The following ZNF417 variants were observed in gnomAD, a reference collection of about 807,000 sequenced individuals.
ZNF417 encodes the protein zinc finger protein 417.
Under a neutral mutation model 7.4 loss-of-function variants are expected in ZNF417, and 5 were observed. The ratio of observed to expected loss-of-function variants is 0.68; its 90% CI spans 0.35 to 1.43. The LOEUF (loss-of-function observed/expected upper bound fraction) is 1.43, where lower values mean the gene tolerates loss of function less well. Among genes scored for constraint, ZNF417 ranks in the 40% most tolerant of loss-of-function variants. The pLI is 0.04. For missense variants in ZNF417, 437 were observed against 697.3 expected, an observed-to-expected ratio of 0.63 and a Z score of 4.20; for synonymous variants, 147 against 239.1, an observed-to-expected ratio of 0.61 and a Z score of 3.55.
intron 1 of ZNF417, among the ~76,000 whole-genome samples, chr19:57,912,973 A>G (rs1169700877): frequency 1.3e-5 from 2 of 151,876 alleles, no homozygotes; most frequent in African/African-American, 2.4e-5. Context: ...TCCCTTGGGA[A>G]TATGCAATGG....
At chr19:57,914,331 C>G (rs1401879222) in intron 1 of ZNF417, among the ~76,000 whole-genome samples, 2 of 151,672 alleles carry the variant, frequency 1.3e-5, no homozygotes, top group South Asian at 2.1e-4. Context: ...ACTAAAAATA[C>G]AAAAATTAGC....
chr19:57,910,107 C>T lies in ZNF417; in HGVS notation c.171G>A (p.Trp57Ter), dbSNP rs1418558166. 1 of 1,604,240 alleles carries T rather than the reference C, an allele frequency of 6.2e-7. No homozygotes were observed. The highest frequency in any genetic ancestry group is 1.7e-5 in the Admixed American group (1 of 59,036). Residue 57 changes from tryptophan (W) to a stop codon, truncating the protein, a stop_gained, in exon 3 of 3, where the codon TGG becomes TGA. Coordinates refer to ENST00000312026, the MANE Select transcript of ZNF417 (RefSeq NM_152475.3). LOFTEE classifies it low-confidence loss of function (END_TRUNC). ...NLALISSLGCWCGSKDEEAPC... is the reference protein window; with the variant it reads ...NLALISSLGC ...GTGCCTCCTCATCTTTTGATCCACA[C>T]CAACAACCTGAGAGCAAGAAAATGC... is the stretch of plus-strand genomic sequence containing the variant.
chr19:57,915,942 C>T (rs189943425), intron 1 of ZNF417, among the ~76,000 whole-genome samples: 1 of 152,304 alleles, frequency 6.6e-6, no homozygotes, highest in Admixed American at 6.5e-5. Context: ...TCAATCAGTT[C>T]TGCCATCCCA....
In ZNF417 at chr19:57,908,960, C is replaced by A. The variant is rs764451512; in HGVS notation, c.1318G>T (p.Glu440Ter). The A allele has an allele frequency of 9.9e-6, 16 of 1,613,906 alleles. No individual in the cohort carries two copies. In the Admixed American group the frequency reaches 2.7e-4, roughly 27 times the overall value. The change falls in exon 3 of 3, where the codon GAA becomes TAA. Residue 440 changes from glutamate to a stop codon, truncating the protein, a stop_gained. Coordinates refer to ENST00000312026, the MANE Select transcript of ZNF417 (RefSeq NM_152475.3). LOFTEE classifies it low-confidence loss of function (END_TRUNC). Reference protein sequence around the residue: ...HTGERPYNCRECGKLFNRKYH... With the variant: ...HTGERPYNCR ...TTCCTGTTAAATAATTTCCCACATTCCCTACAATTGTAAGGTCTTTCCCCA... is the reference window on the plus strand; with the variant it reads ...TTCCTGTTAAATAATTTCCCACATTACCTACAATTGTAAGGTCTTTCCCCA...
intron 1 of ZNF417, 148 bp downstream of exon 1, chr19:57,916,231 C>T (rs1481296448): frequency 1.4e-5 from 20 of 1,467,974 alleles, no homozygotes; most frequent in Non-Finnish European, 1.7e-5. Flanking sequence ...CCCCACTGGA[C>T]AGTTACACAG....
At chr19:57,915,921 G>A (rs1306343183) in intron 1 of ZNF417, among the ~76,000 whole-genome samples, 1 of 152,080 alleles carries the variant, frequency 6.6e-6, no homozygotes, top group African/African-American at 2.4e-5. Flanking sequence ...CACACAGACC[G>A]GTAATCTGGG....
rs2071845543 is a variant in ZNF417 at position 57,907,570 on chromosome 19, T to A, written c.*980A>T. The stretch of plus-strand genomic sequence containing the variant: ...CCTCCGGGTCCCTCAGAATGTCCCA[T>A]CTCCCTGTCAGTATCAGTGTCCCAG... On this transcript the variant is annotated 3_prime_UTR_variant, in exon 3 of 3. Coordinates refer to ENST00000312026, the MANE Select transcript of ZNF417 (RefSeq NM_152475.3). The A allele has an allele frequency of 6.5e-6, 1 of 154,832 alleles. No homozygotes were observed. Among genetic ancestry groups the A allele is most frequent in the Non-Finnish European group, 1.5e-5 (1 of 68,226 alleles). 9.6% of individuals were successfully genotyped at this position (154,832 alleles called of 1,614,324 possible).
intron 1 of ZNF417, among the ~76,000 whole-genome samples, chr19:57,914,681 C>G (rs2071931445): frequency 6.6e-6 from 1 of 152,220 alleles, no homozygotes; most frequent in Non-Finnish European, 1.5e-5. Context: ...AAGGTCCAAC[C>G]AGATGAAGCC....
chr19:57,914,483 CAAAAAAAAAAAAAAAAA>C (rs528220711), intron 1 of ZNF417, among the ~76,000 whole-genome samples: 1 of 57,610 alleles, frequency 1.7e-5, no homozygotes, highest in Admixed American at 2.2e-4. Context: ...CGAAACTCCA[CAAAAAAAAAAAAAAAAA>C]AAAAAAAAAA....
intron 1 of ZNF417, 100 bp downstream of exon 1, chr19:57,916,279 G>T: frequency 1.9e-6 from 3 of 1,604,696 alleles, no homozygotes; most frequent in Non-Finnish European, 2.6e-6. Flanking sequence ...TCCTACGCCG[G>T]GTACCGGCTA....
At position 57,908,343 on chromosome 19, in the gene ZNF417, G is replaced by T; in HGVS notation, c.*207C>A. Reference sequence around the variant, plus strand: ...CACTTGAACCTGGGAGGCCCAAGTTGCAGTGAGCCAAGATTGCACCACTGC... The same window carrying T: ...CACTTGAACCTGGGAGGCCCAAGTTTCAGTGAGCCAAGATTGCACCACTGC... On this transcript the variant is annotated 3_prime_UTR_variant, in exon 3 of 3. Coordinates refer to ENST00000312026, the MANE Select transcript of ZNF417 (RefSeq NM_152475.3). 1.1e-6 allele frequency: 1 copy of T among 887,722 alleles called. No homozygotes were observed. The highest frequency in any genetic ancestry group is 1.7e-6 in the Non-Finnish European group (1 of 593,498). The allele number at this position is 887,722 out of a possible 1,614,324, so 55.0% of individuals were successfully genotyped here.
intron 1 of ZNF417, chr19:57,915,354 T>A (rs934727940): frequency 3.1e-4 from 78 of 248,814 alleles, no homozygotes; most frequent in African/African-American, 1.7e-3. Context: ...TGCACAGCCC[T>A]CGGCCTGCTT....
chr19:57,910,323 A>T (rs1486394607), intron 2 of ZNF417, among the ~76,000 whole-genome samples: 2 of 152,076 alleles, frequency 1.3e-5, no homozygotes, highest in Non-Finnish European at 2.9e-5. Context: ...AGGCGGGTGG[A>T]TCACCTGAGG....
rs140860830 is a variant in ZNF417 at position 57,916,379 on chromosome 19, C to T, written c.33G>A (p.Gln11=). The T allele has an allele frequency of 8.1e-6, 13 of 1,614,088 alleles. No homozygotes were observed. The highest frequency in any genetic ancestry group is 2.2e-5 in the East Asian group (1 of 44,894). Reference sequence around the variant, plus strand: ...AGGGCACAGAAGGCGCCACAATTACCTGAGTCGGGCGCCTCGGCGCAGCCG... The same window carrying T: ...AGGGCACAGAAGGCGCCACAATTACTTGAGTCGGGCGCCTCGGCGCAGCCG... MAAAAPRRPT[Q]QGTVTFEDVA... The change falls in exon 1 of 3, where the codon CAG becomes CAA. Residue 11 remains glutamine, a splice_region_variant and synonymous_variant. Coordinates refer to ENST00000312026, the MANE Select transcript of ZNF417 (RefSeq NM_152475.3).
At chr19:57,911,941 G>A in intron 2 of ZNF417, 119 bp downstream of exon 2, 1 of 1,468,372 alleles carries the variant, frequency 6.8e-7, no homozygotes, top group Non-Finnish European at 9.0e-7. Flanking sequence ...AACTTACATA[G>A]AGAAGTGTAG....
Position 57,908,447 on chromosome 19 carries a change from T to C in ZNF417, c.*103A>G, listed in dbSNP as rs1041982809. The stretch of plus-strand genomic sequence containing the variant: ...ACCAAGGAGAGCAGACATTCTGATG[T>C]TTCCCAGATTGACAGCACTCATAAG... On this transcript the variant is annotated 3_prime_UTR_variant, in exon 3 of 3. Coordinates refer to ENST00000312026, the MANE Select transcript of ZNF417 (RefSeq NM_152475.3). 34 of 1,587,652 alleles carry C rather than the reference T, an allele frequency of 2.1e-5. No individual in the cohort carries two copies. Among genetic ancestry groups the C allele is most frequent in the Non-Finnish European group, 2.7e-5 (31 of 1,162,070 alleles).
rs749274764 is a variant in ZNF417, at chr19:57,908,992, A to T, written c.1286T>A (p.Leu429His). The T allele has an allele frequency of 6.2e-7, 1 of 1,613,750 alleles. No individual in the cohort carries two copies. The highest frequency in any genetic ancestry group is 1.7e-5 in the Admixed American group (1 of 59,962). The change falls in exon 3 of 3, where the codon CTT becomes CAT. Residue 429 changes from leucine (L) to histidine (H), a missense_variant. Physicochemically the swap from Leu to His is moderately conservative, Grantham distance 99. Around this residue, in one of 5 missense-constraint regions of ZNF417, gnomAD observed 233 missense variants for 235.5 expected, o/e 0.99. Coordinates refer to ENST00000312026, the MANE Select transcript of ZNF417 (RefSeq NM_152475.3). ...ATTGTAAGGTCTTTCCCCAGTGTGA[A>T]GTCTCTGGTGTTCAGTGAGGTGGGA... is the stretch of plus-strand genomic sequence containing the variant. The part of the protein sequence containing the change: ...YRSHLTEHQR[L>H]HTGERPYNCR...
intron 2 of ZNF417, 52 bp from the exon 3 acceptor site, chr19:57,910,166 A>G: frequency 6.4e-7 from 1 of 1,571,094 alleles, no homozygotes; most frequent in Non-Finnish European, 8.6e-7. Context: ...ACGGGAAGGC[A>G]CAGCCCACCC....
chr19:57,915,907 A>C (rs1377809249), intron 1 of ZNF417, among the ~76,000 whole-genome samples: 1 of 152,204 alleles, frequency 6.6e-6, no homozygotes, highest in Non-Finnish European at 1.5e-5. Flanking sequence ...GGATCAGCTG[A>C]CAACACACAG....
Sources: allele counts gnomAD v4.1 joint callset (sites outside exome capture counted in the v4.1 genomes callset), GRCh38; gene constraint gnomAD v4.1.1; regional missense constraint gnomAD v4.1.1; transcripts MANE v1.5; gene names NCBI Gene and HGNC (gene_info 2026-07-23, HGNC 2026-07-21).